LUZP2: variants seen among roughly 807,000 people sequenced by gnomAD.
LUZP2 encodes leucine zipper protein 2.
LUZP2 carries 52 observed loss-of-function variants against 51.6 expected under a neutral mutation model. That is an observed-to-expected ratio of 1.01 (90% CI 0.81 to 1.27). The LOEUF is 1.27. LUZP2 is among the 50% of genes most tolerant of loss of function. LUZP2 has a pLI of 0.00. For synonymous variants in LUZP2, 154 were observed against 137.3 expected, an observed-to-expected ratio of 1.12 and a Z score of -0.85; for missense variants, 436 against 395.4, an observed-to-expected ratio of 1.10 and a Z score of -0.87.
At chr11:24,542,179 A>G (rs1489480480) in intron 1 of LUZP2, among the ~76,000 whole-genome samples, 1 of 152,112 alleles carries the variant, frequency 6.6e-6, no homozygotes, top group Admixed American at 6.6e-5. Flanking sequence ...GAGTGAGGAC[A>G]GAGAAAATTA....
chr11:24,842,135 T>C (rs1851053536), intron 5 of LUZP2, among the ~76,000 whole-genome samples: 1 of 150,868 alleles, frequency 6.6e-6, no homozygotes, highest in Non-Finnish European at 1.5e-5. Context: ...AATATATTAA[T>C]ATTAGACAAT....
chr11:24,722,865 C>A (rs549905534), intron 1 of LUZP2, among the ~76,000 whole-genome samples: 1 of 150,982 alleles, frequency 6.6e-6, no homozygotes, highest in Non-Finnish European at 1.5e-5. Flanking sequence ...TGCAGTGAGC[C>A]GATATCATGC....
chr11:25,006,280 T>C (rs2133950777), intron 9 of LUZP2, among the ~76,000 whole-genome samples: 1 of 152,282 alleles, frequency 6.6e-6, no homozygotes, highest in Admixed American at 6.5e-5. Flanking sequence ...AGGAAGTTTG[T>C]CTGACAGGCA....
intron 9 of LUZP2, among the ~76,000 whole-genome samples, chr11:25,022,860 G>C (rs982051415): frequency 1.3e-5 from 2 of 152,062 alleles, no homozygotes; most frequent in African/African-American, 2.4e-5. Context: ...TGGCATGAAA[G>C]GCTGTTGAAT....
intron 9 of LUZP2, among the ~76,000 whole-genome samples, chr11:25,018,650 C>G (rs1857237727): frequency 6.9e-6 from 1 of 144,540 alleles, no homozygotes; most frequent in African/African-American, 2.6e-5. Context: ...CTCTGTTGCC[C>G]AGGCTGGAGT....
At chr11:24,513,704 G>A (rs1048293282) in intron 1 of LUZP2, among the ~76,000 whole-genome samples, 20 of 152,126 alleles carry the variant, frequency 1.3e-4, no homozygotes, top group African/African-American at 4.6e-4. Flanking sequence ...CTAAAGCCTG[G>A]GGTGTGCCAT....
At chr11:24,890,661 A>C (rs1852821612) in intron 5 of LUZP2, among the ~76,000 whole-genome samples, 1 of 152,126 alleles carries the variant, frequency 6.6e-6, no homozygotes, top group African/African-American at 2.4e-5. Context: ...CTGGCATCAA[A>C]AAATGAACTG....
chr11:24,933,745 C>T (rs2133838039), intron 7 of LUZP2, among the ~76,000 whole-genome samples: 1 of 152,254 alleles, frequency 6.6e-6, no homozygotes, highest in East Asian at 1.9e-4. Flanking sequence ...GACCACCAAA[C>T]AGGCTTTGTG....
At chr11:24,713,397 C>A (rs1857913406) in intron 1 of LUZP2, among the ~76,000 whole-genome samples, 1 of 152,080 alleles carries the variant, frequency 6.6e-6, no homozygotes, top group African/African-American at 2.4e-5. Context: ...GAATCTATAC[C>A]TTGGAATGCC....
intron 1 of LUZP2, among the ~76,000 whole-genome samples, chr11:24,542,454 T>C (rs978623976): frequency 6.6e-6 from 1 of 152,044 alleles, no homozygotes; most frequent in Non-Finnish European, 1.5e-5. Context: ...GGATTCTTAT[T>C]TTTTTATGTA....
chr11:24,852,829 C>A (rs1215172428), intron 5 of LUZP2, among the ~76,000 whole-genome samples: 2 of 151,958 alleles, frequency 1.3e-5, no homozygotes, highest in Non-Finnish European at 2.9e-5. Flanking sequence ...TTATGTAATG[C>A]CCTTCTTTGT....
intron 9 of LUZP2, 96 bp downstream of exon 9, chr11:24,983,389 G>C: frequency 8.2e-7 from 1 of 1,224,298 alleles, no homozygotes; most frequent in South Asian, 1.5e-5. Flanking sequence ...ATTCAAGTAT[G>C]ATAACAAATC....
At position 24,669,179 on chromosome 11, in the gene LUZP2, G is replaced by A. The variant is rs967879392; in HGVS notation, c.63-59990G>A. Reference sequence around the variant, plus strand: ...TCTTTTTACTTTAACTTTCTCATCAGTAAAATTAGAAAATTAGCAAAAGCA... The same window carrying A: ...TCTTTTTACTTTAACTTTCTCATCAATAAAATTAGAAAATTAGCAAAAGCA... On this transcript the variant is annotated intron_variant, in intron 1 of 11. Coordinates refer to ENST00000336930, the MANE Select transcript of LUZP2 (RefSeq NM_001009909.4). Among the ~76,000 whole-genome samples the A allele has an allele frequency of 2.0e-4, 31 of 152,130 alleles. 1 individual carries two copies. The highest frequency in any genetic ancestry group is 2.0e-3 in the Admixed American group (30 of 15,278).
intron 1 of LUZP2, among the ~76,000 whole-genome samples, chr11:24,713,683 G>GTTTTTTTTTTTTTTTTT (rs374748977): frequency 3.3e-5 from 3 of 89,690 alleles, no homozygotes; most frequent in Non-Finnish European, 5.9e-5. Context: ...GTGAGAATCT[G>GTTTTTTTTTTTTTTTTT]TTTTTTTTTT....
intron 5 of LUZP2, among the ~76,000 whole-genome samples, chr11:24,888,600 C>T (rs1440032851): frequency 1.3e-5 from 2 of 152,174 alleles, no homozygotes; most frequent in Non-Finnish European, 2.9e-5. Flanking sequence ...AGATCTGACA[C>T]ATACGCATGC....
At chr11:24,733,799 CT>C (rs1188400495) in intron 3 of LUZP2, among the ~76,000 whole-genome samples, 1 of 151,190 alleles carries the variant, frequency 6.6e-6, no homozygotes, top group Non-Finnish European at 1.5e-5. Flanking sequence ...AAAATGATTA[CT>C]TTATTTTTAT....
chr11:24,917,876 T>A lies in LUZP2; in HGVS notation c.522+3338T>A, dbSNP rs373675275. Among the ~76,000 whole-genome samples the A allele has an allele frequency of 2.0e-5, 3 of 152,284 alleles. No individual in the cohort carries two copies. In the East Asian group the frequency reaches 5.8e-4, roughly 29 times the overall value. ...GTTTTTTCCAATTCTGTGAAGAAAG[T>A]CATTGGTAGCTTGCTGGGGATGATA... On this transcript the variant is annotated intron_variant, in intron 7 of 11. Transcript: ENST00000336930.
intron 7 of LUZP2, among the ~76,000 whole-genome samples, chr11:24,941,659 AT>A (rs1316442650): frequency 6.6e-6 from 1 of 152,152 alleles, no homozygotes; most frequent in African/African-American, 2.4e-5. Flanking sequence ...TTGTACTCTT[AT>A]GTTTTCATAG....
intron 7 of LUZP2, among the ~76,000 whole-genome samples, chr11:24,942,386 G>A (rs1328267813): frequency 6.6e-6 from 1 of 152,110 alleles, no homozygotes; most frequent in Non-Finnish European, 1.5e-5. Flanking sequence ...TCAGTCCTGA[G>A]TTTCAGTCTT....
Sources: allele counts gnomAD v4.1 joint callset (sites outside exome capture counted in the v4.1 genomes callset), GRCh38; gene constraint gnomAD v4.1.1; transcripts MANE v1.5; gene names NCBI Gene and HGNC (gene_info 2026-07-23, HGNC 2026-07-21).